The following ACOT12 variants were observed in gnomAD, a reference collection of about 807,000 sequenced individuals.
ACOT12 encodes the protein acetyl-coenzyme A thioesterase.
ACOT12 carries 51 observed loss-of-function variants against 67.7 expected under a neutral mutation model. That is an observed-to-expected ratio of 0.75 (90% CI 0.60 to 0.95). ACOT12 has a LOEUF of 0.95. Ranked by LOEUF, ACOT12 falls within the 40% of genes least tolerant of loss-of-function variation. ACOT12 has a pLI of 0.00. For missense variants in ACOT12, 734 were observed against 708.1 expected, an observed-to-expected ratio of 1.04 and a Z score of -0.41; for synonymous variants, 251 against 244.6, an observed-to-expected ratio of 1.03 and a Z score of -0.24.
chr5:81,321,302 C>A, the ACOT12 span, among the ~76,000 whole-genome samples: 6 of 152,176 alleles, frequency 3.9e-5, no homozygotes, highest in Admixed American at 6.5e-5. Flanking sequence ...TGCCTTCTTG[C>A]TGTGTCCTCA....
At chr5:81,331,996 G>A (rs751984879) in intron 13 of ACOT12, among the ~76,000 whole-genome samples, 1 of 152,158 alleles carries the variant, frequency 6.6e-6, no homozygotes, top group Non-Finnish European at 1.5e-5. Flanking sequence ...ATATGTGTGT[G>A]GGATTATTTG....
chr5:81,362,046 A>G lies in ACOT12; in HGVS notation c.360+1742T>C, dbSNP rs188771280. Among the ~76,000 whole-genome samples, 148 of 152,306 alleles carry G rather than the reference A, an allele frequency of 9.7e-4. 3 individuals are homozygous for G. The highest frequency in any genetic ancestry group is 4.8e-5 in the African/African-American group (2 of 41,572). On this transcript the variant is annotated intron_variant, in intron 4 of 14. Coordinates refer to ENST00000307624, the MANE Select transcript of ACOT12 (RefSeq NM_130767.3). ...AGTTAGTCTGGAAAGGTGCTTTACAATTAAGGTTATCTGAACCAACCAATT... is the reference window on the plus strand; with the variant it reads ...AGTTAGTCTGGAAAGGTGCTTTACAGTTAAGGTTATCTGAACCAACCAATT...
In ACOT12 at chr5:81,394,020, A is replaced by G. The variant is rs948366163; in HGVS notation, c.95T>C (p.Leu32Pro). The stretch of plus-strand genomic sequence containing the variant: ...GCAGGCGGTGGTGTCGATCCACTTG[A>G]GCAGCTGCCCCGCGCTCAGCTCGCC... ...ARGELSAGQL[L>P]KWIDTTACLA... The change falls in exon 1 of 15, where the codon CTC (leucine) becomes CCC (proline). Residue 32 changes from leucine to proline, a missense_variant. By Grantham distance (98) the Leu-to-Pro change is moderately conservative. Transcript: ENST00000307624. The G allele has an allele frequency of 4.8e-6, 7 of 1,456,966 alleles. No individual in the cohort carries two copies. Among genetic ancestry groups the G allele is most frequent in the South Asian group, 1.4e-5 (1 of 73,282 alleles). The allele number at this position is 1,456,966 out of a possible 1,614,324, so 90.3% of individuals were successfully genotyped here.
Position 81,344,203 on chromosome 5 carries a change from G to T in ACOT12, c.937C>A (p.Arg313Ser). 6.2e-7 allele frequency: 1 copy of T among 1,613,142 alleles called. No homozygotes were observed. Among genetic ancestry groups the T allele is most frequent in the Non-Finnish European group, 8.5e-7 (1 of 1,179,552 alleles). ...IQPISKDDFRRYRGAIARKRI... is the reference protein window; with the variant it reads ...IQPISKDDFRSYRGAIARKRI... ...TTGCGTGCAATAGCTCCCCGATAGC[G>T]TCTGAAATCATCCTTTAATCAAAAA... The change falls in exon 9 of 15, where the codon CGC (arginine) becomes AGC (serine). Residue 313 changes from arginine (R) to serine (S), a missense_variant. Arg to Ser is a moderately radical substitution (Grantham distance 110). Transcript: ENST00000307624.
intron 5 of ACOT12, among the ~76,000 whole-genome samples, chr5:81,353,802 A>G (rs140903906): frequency 5.0e-4 from 76 of 152,332 alleles, no homozygotes; most frequent in African/African-American, 1.5e-3. Flanking sequence ...CATTTCCATC[A>G]TACAACATCT....
intron 7 of ACOT12, among the ~76,000 whole-genome samples, chr5:81,345,486 T>C (rs1032784465): frequency 6.6e-6 from 1 of 152,156 alleles, no homozygotes; most frequent in Non-Finnish European, 1.5e-5. Flanking sequence ...TCAAATCTTT[T>C]CATTGTGTAT....
At chr5:81,389,436 C>T (rs111702047) in intron 1 of ACOT12, among the ~76,000 whole-genome samples, 85 of 152,268 alleles carry the variant, frequency 5.6e-4, no homozygotes, top group African/African-American at 2.0e-3. Flanking sequence ...CTCCTATATA[C>T]GGTGTTTCAG....
chr5:81,373,330 C>G (rs1760311543), intron 2 of ACOT12, among the ~76,000 whole-genome samples: 1 of 152,212 alleles, frequency 6.6e-6, no homozygotes. Flanking sequence ...ATGGTGCACT[C>G]TGGCCCAGAT....
At chr5:81,349,665 A>G (rs943409519) in intron 5 of ACOT12, among the ~76,000 whole-genome samples, 3 of 152,120 alleles carry the variant, frequency 2.0e-5, no homozygotes, top group Non-Finnish European at 4.4e-5. Context: ...CCCTTTTATT[A>G]TGTGACCCAC....
chr5:81,334,754 G>A (rs747735428), intron 12 of ACOT12, among the ~76,000 whole-genome samples: 1 of 152,214 alleles, frequency 6.6e-6, no homozygotes, highest in African/African-American at 2.4e-5. Context: ...GAAGCCCTGC[G>A]GGGTGCTATA....
intron 4 of ACOT12, among the ~76,000 whole-genome samples, chr5:81,362,827 T>A (rs1293344748): frequency 2.0e-5 from 3 of 152,168 alleles, no homozygotes; most frequent in Admixed American, 6.5e-5. Flanking sequence ...AACTGCATTT[T>A]AAAAAATAGA....
intron 5 of ACOT12, among the ~76,000 whole-genome samples, chr5:81,348,239 G>A (rs1035504236): frequency 6.6e-6 from 1 of 152,126 alleles, no homozygotes; most frequent in Admixed American, 6.6e-5. Context: ...TTTGTGGTGG[G>A]GTAGGGACAG....
downstream of ACOT12, among the ~76,000 whole-genome samples, chr5:81,327,721 G>A (rs530996097): frequency 2.0e-5 from 3 of 152,324 alleles, no homozygotes; most frequent in African/African-American, 4.8e-5. Flanking sequence ...GATTACAGGC[G>A]TGAGCCACCG....
At chr5:81,356,268 TTTTA>T (rs778469042) in intron 5 of ACOT12, among the ~76,000 whole-genome samples, 7 of 152,156 alleles carry the variant, frequency 4.6e-5, no homozygotes, top group Non-Finnish European at 1.0e-4. Context: ...AGTAGACAGG[TTTTA>T]TTCCTCACTT....
chr5:81,359,832 G>A lies in ACOT12; in HGVS notation c.496+71C>T, dbSNP rs568025179. The A allele has an allele frequency of 2.0e-6, 3 of 1,467,012 alleles. No homozygotes were observed. The South Asian group carries it at 3.9e-5, about 19-fold the overall frequency. The allele number at this position is 1,467,012 out of a possible 1,614,324, so 90.9% of individuals were successfully genotyped here. A position where few individuals can be genotyped will look rare whatever the true frequency, so the allele number is the denominator to read the frequency against. On this transcript the variant is annotated intron_variant, in intron 5 of 14. Coordinates refer to ENST00000307624, the MANE Select transcript of ACOT12 (RefSeq NM_130767.3). ...TGGTAATAATAAGGTGAAAATAAGT[G>A]TGCTCTAAGAAAAGACTCCTTTGCC... is the stretch of plus-strand genomic sequence containing the variant.
At chr5:81,360,719 A>G (rs1759878357) in intron 4 of ACOT12, among the ~76,000 whole-genome samples, 2 of 152,126 alleles carry the variant, frequency 1.3e-5, no homozygotes, top group South Asian at 4.1e-4. Flanking sequence ...GCTTGTTTCC[A>G]AGATACTCAA....
At chr5:81,378,173 A>T (rs2153857676) in intron 2 of ACOT12, among the ~76,000 whole-genome samples, 1 of 152,372 alleles carries the variant, frequency 6.6e-6, no homozygotes, top group East Asian at 1.9e-4. Flanking sequence ...GGCTTCAGAA[A>T]TAACACCACA....
chr5:81,312,040 A>G, the ACOT12 span, among the ~76,000 whole-genome samples: 1 of 152,198 alleles, frequency 6.6e-6, no homozygotes, highest in African/African-American at 2.4e-5. Flanking sequence ...AAGAGTTCTT[A>G]TTTACAAGCT....
the ACOT12 span, among the ~76,000 whole-genome samples, chr5:81,323,895 TACGTATATATACACGTATATATAC>T: frequency 4.1e-3 from 562 of 137,160 alleles, 4 homozygotes; most frequent in Non-Finnish European, 7.2e-3. Flanking sequence ...TATACATATA[TACGTATATATACACGTATATATAC>T]GTGTATATAT....
Sources: allele counts gnomAD v4.1 joint callset (sites outside exome capture counted in the v4.1 genomes callset), GRCh38; gene constraint gnomAD v4.1.1; transcripts MANE v1.5; gene names NCBI Gene and HGNC (gene_info 2026-07-23, HGNC 2026-07-21).